CABIN1: variants seen among roughly 807,000 people sequenced by gnomAD.
The protein encoded by CABIN1 is calcineurin-binding protein cabin-1.
CABIN1 carries 133 observed loss-of-function variants against 227.7 expected under a neutral mutation model. That is an observed-to-expected ratio of 0.58 (90% CI 0.51 to 0.67). The LOEUF (loss-of-function observed/expected upper bound fraction) is 0.67, where lower values mean the gene tolerates loss of function less well. Among genes scored for constraint, CABIN1 ranks in the 30% least tolerant of loss-of-function variants. The pLI, the probability that CABIN1 is intolerant of heterozygous loss-of-function variation, is 0.00. For synonymous variants in CABIN1, 1,086 were observed against 1,155.1 expected (o/e 0.94, Z 1.21); for missense variants, 2,408 against 2,852.5 (o/e 0.84, Z 3.55).
intron 6 of CABIN1, among the ~76,000 whole-genome samples, chr22:24,045,339 C>G (rs1042288053): frequency 1.3e-5 from 2 of 152,170 alleles, no homozygotes; most frequent in Non-Finnish European, 2.9e-5. Context: ...GGTGTGGTAG[C>G]TACAGGTAGC....
intron 30 of CABIN1, among the ~76,000 whole-genome samples, chr22:24,165,215 C>T (rs2046377295): frequency 6.6e-6 from 1 of 152,204 alleles, no homozygotes; most frequent in Admixed American, 6.5e-5. Context: ...TCAGGGGCCT[C>T]CAGCTGGGGC....
chr22:24,168,633 G>A (rs761594368), intron 33 of CABIN1, 112 bp downstream of exon 33: 9 of 948,646 alleles, frequency 9.5e-6, no homozygotes, highest in Non-Finnish European at 1.5e-5. Context: ...CTTGTGGTCA[G>A]CTTGGGCTGA....
At chr22:24,026,558 A>C (rs1483278027) in intron 1 of CABIN1, among the ~76,000 whole-genome samples, 1 of 151,984 alleles carries the variant, frequency 6.6e-6, no homozygotes, top group African/African-American at 2.4e-5. Context: ...TTTGTATTAC[A>C]TGTGAATTTT....
intron 1 of CABIN1, 24 bp from the exon 2 acceptor site, chr22:24,035,420 C>CA (rs1269314619): frequency 2.6e-6 from 4 of 1,517,216 alleles, no homozygotes; most frequent in Admixed American, 3.3e-5. Context: ...GGCCTTGTCT[C>CA]AGTTTGTCCT....
chr22:24,035,625 T>C, intron 2 of CABIN1, 105 bp downstream of exon 2: 3 of 1,405,200 alleles, frequency 2.1e-6, no homozygotes, highest in Non-Finnish European at 3.0e-6. Flanking sequence ...GCTCTTATTA[T>C]GGAGTAGCCT....
intron 1 of CABIN1, among the ~76,000 whole-genome samples, chr22:24,013,854 T>A (rs1337329976): frequency 6.6e-6 from 1 of 152,210 alleles, no homozygotes; most frequent in Non-Finnish European, 1.5e-5. Flanking sequence ...CGTCTCTCAA[T>A]TTAAAGGTTT....
chr22:24,090,572 C>T (rs1333107785), intron 23 of CABIN1, among the ~76,000 whole-genome samples: 1 of 146,032 alleles, frequency 6.8e-6, no homozygotes, highest in Non-Finnish European at 1.5e-5. Context: ...CTGGGTAGCA[C>T]ATTGCTCCCT....
intron 24 of CABIN1, among the ~76,000 whole-genome samples, chr22:24,093,139 T>C (rs765394455): frequency 2.0e-5 from 3 of 152,238 alleles, no homozygotes; most frequent in Admixed American, 6.5e-5. Context: ...TTTAGCATTC[T>C]GATCAACAAT....
At chr22:24,077,651 A>G (rs181547628) in intron 19 of CABIN1, among the ~76,000 whole-genome samples, 3 of 152,192 alleles carry the variant, frequency 2.0e-5, no homozygotes, top group African/African-American at 7.2e-5. Flanking sequence ...TGAGTCTGTA[A>G]TGCTGCCCAG....
At chr22:24,014,287 G>A (rs2035068162) in intron 1 of CABIN1, among the ~76,000 whole-genome samples, 1 of 152,120 alleles carries the variant, frequency 6.6e-6, no homozygotes, top group South Asian at 2.1e-4. Flanking sequence ...TGTCAGTGTA[G>A]GCCATGGATA....
At chr22:24,043,179 C>A in intron 6 of CABIN1, 95 bp downstream of exon 6, 1 of 1,085,814 alleles carries the variant, frequency 9.2e-7, no homozygotes, top group Non-Finnish European at 1.4e-6. Flanking sequence ...AAAGTTAACA[C>A]TGAAGGGGTT....
chr22:24,086,128 G>A (rs2041144860), intron 22 of CABIN1, among the ~76,000 whole-genome samples: 2 of 152,258 alleles, frequency 1.3e-5, no homozygotes, highest in South Asian at 4.1e-4. Context: ...CTTCCAGTCA[G>A]GGAGCCATGT....
chr22:24,125,700 C>T (rs1056202063), intron 28 of CABIN1, among the ~76,000 whole-genome samples: 5 of 152,210 alleles, frequency 3.3e-5, no homozygotes, highest in Non-Finnish European at 7.3e-5. Context: ...AAAAGTGGCC[C>T]CTTCCACAAA....
At chr22:24,090,094 T>C (rs1229002759) in intron 23 of CABIN1, among the ~76,000 whole-genome samples, 3 of 152,168 alleles carry the variant, frequency 2.0e-5, no homozygotes, top group Non-Finnish European at 4.4e-5. Context: ...CTGTCCCTCC[T>C]TTTCCTGTCT....
At chr22:24,165,488 G>C in intron 30 of CABIN1, 42 bp from the exon 31 acceptor site, 2 of 1,555,498 alleles carry the variant, frequency 1.3e-6, no homozygotes, top group Non-Finnish European at 8.8e-7. Context: ...TGTGGTGTCA[G>C]ATGCCCTCCT....
chr22:24,046,589 A>G (rs1403141975), intron 6 of CABIN1, among the ~76,000 whole-genome samples: 2 of 152,160 alleles, frequency 1.3e-5, no homozygotes, highest in Non-Finnish European at 1.5e-5. Context: ...GGTAAACTCA[A>G]GTCTTTGTGG....
intron 29 of CABIN1, among the ~76,000 whole-genome samples, chr22:24,157,450 A>C (rs1200080949): frequency 1.3e-5 from 2 of 152,078 alleles, no homozygotes; most frequent in East Asian, 3.9e-4. Flanking sequence ...TTCCTTAGGG[A>C]CAAGCCGGGT....
chr22:24,113,830 GGGA>G, intron 27 of CABIN1, 82 bp downstream of exon 27: 1 of 1,511,730 alleles, frequency 6.6e-7, no homozygotes, highest in Non-Finnish European at 9.2e-7. Context: ...TCGTGGCCCA[GGGA>G]CCTTGGCTGG....
intron 26 of CABIN1, among the ~76,000 whole-genome samples, chr22:24,098,679 G>A (rs1372687738): frequency 6.6e-6 from 1 of 152,158 alleles, no homozygotes; most frequent in African/African-American, 2.4e-5. Context: ...TTGTTAATGG[G>A]GGTCACCTGG....
Sources: allele counts gnomAD v4.1 joint callset (sites outside exome capture counted in the v4.1 genomes callset), GRCh38; gene constraint gnomAD v4.1.1; transcripts MANE v1.5; gene names NCBI Gene and HGNC (gene_info 2026-07-23, HGNC 2026-07-21).